CAND2: variants seen among roughly 807,000 people sequenced by gnomAD.
CAND2 encodes the protein cullin associated and neddylation dissociated 2 (putative).
CAND2 carries 62 observed loss-of-function variants against 98.9 expected under a neutral mutation model. The observed-to-expected ratio is 0.63, with a 90% CI of 0.51 to 0.77. The LOEUF (loss-of-function observed/expected upper bound fraction) is 0.77. Ranked by LOEUF, CAND2 falls within the 30% of genes least tolerant of loss-of-function variation. The pLI, the probability that CAND2 is intolerant of heterozygous loss-of-function variation, is 0.00. For missense variants in CAND2, 1,501 were observed against 1,655.2 expected, an observed-to-expected ratio of 0.91 and a Z score of 1.62; for synonymous variants, 770 against 731.9, an observed-to-expected ratio of 1.05 and a Z score of -0.84.
intron 1 of CAND2, among the ~76,000 whole-genome samples, chr3:12,802,390 T>C (rs1015152194): frequency 6.6e-6 from 1 of 152,250 alleles, no homozygotes; most frequent in Admixed American, 6.5e-5. Context: ...GAGATGTGGA[T>C]GATGTCCTGT....
In CAND2 at chr3:12,820,129, C is replaced by G. The variant is rs201679371; in HGVS notation, c.2988C>G (p.Phe996Leu). ...TRSTVITAVK[F>L]LISDQPHPID... ...GCACCGTCATCACAGCGGTCAAGTT[C>G]CTTATCTCGGACCAGCCCCATCCCA... The change falls in exon 11 of 15, where the codon TTC becomes TTG. Residue 996 changes from phenylalanine (F) to leucine (L), a missense_variant. Physicochemically the swap from Phe to Leu is conservative, Grantham distance 22. Coordinates refer to ENST00000456430, the MANE Select transcript of CAND2 (RefSeq NM_001162499.2). The G allele has an allele frequency of 1.1e-5, 18 of 1,614,062 alleles. No homozygotes were observed. Among genetic ancestry groups the G allele is most frequent in the Admixed American group, 1.7e-5 (1 of 60,000 alleles).
intron 7 of CAND2, among the ~76,000 whole-genome samples, chr3:12,814,503 G>C (rs1002890972): frequency 2.6e-5 from 4 of 152,200 alleles, no homozygotes; most frequent in Non-Finnish European, 4.4e-5. Flanking sequence ...CTTTCAGGGA[G>C]ATTGTCAGGT....
intron 10 of CAND2, among the ~76,000 whole-genome samples, chr3:12,819,272 C>T (rs1035972354): frequency 3.9e-5 from 6 of 152,206 alleles, no homozygotes; most frequent in Non-Finnish European, 7.3e-5. Context: ...TCCATTCATT[C>T]ATGCCTTAGC....
At chr3:12,806,770 G>T (rs982504520) in intron 2 of CAND2, among the ~76,000 whole-genome samples, 9 of 152,338 alleles carry the variant, frequency 5.9e-5, no homozygotes, top group African/African-American at 2.2e-4. Context: ...ATCTAGGGTA[G>T]GGTAAGGCCT....
intron 13 of CAND2, among the ~76,000 whole-genome samples, chr3:12,829,457 A>C (rs1443453990): frequency 6.6e-6 from 1 of 152,220 alleles, no homozygotes; most frequent in African/African-American, 2.4e-5. Context: ...CCATATTACA[A>C]CTTTAAAAAA....
chr3:12,834,283 T>G lies in CAND2; in HGVS notation c.*301T>G. 1 of 378,162 alleles carries G rather than the reference T, an allele frequency of 2.6e-6. No homozygotes were observed. Among genetic ancestry groups the G allele is most frequent in the Non-Finnish European group, 4.9e-6 (1 of 203,132 alleles). The allele number at this position is 378,162 out of a possible 1,614,324, so 23.4% of individuals were successfully genotyped here. A position where few individuals can be genotyped will look rare whatever the true frequency, so the allele number is the denominator to read the frequency against. On this transcript the variant is annotated 3_prime_UTR_variant, in exon 15 of 15. Transcript: ENST00000456430. ...CTGTACCCCTCCATAGTCTGTCTGG[T>G]TCCTTCAGAGGGTGTCTCTGCCTCA...
intron 13 of CAND2, 130 bp from the exon 14 acceptor site, chr3:12,831,335 G>C: frequency 2.8e-6 from 2 of 715,252 alleles, no homozygotes; most frequent in Non-Finnish European, 2.5e-6. Flanking sequence ...GAGAGACTCT[G>C]GCAGGACTTC....
At chr3:12,805,759 G>T (rs903899022) in intron 2 of CAND2, among the ~76,000 whole-genome samples, 1 of 152,206 alleles carries the variant, frequency 6.6e-6, no homozygotes, top group African/African-American at 2.4e-5. Context: ...TTTAGACTCA[G>T]ATAATTATAG....
chr3:12,816,405 C>T lies in CAND2; in HGVS notation c.1473C>T (p.Ser491=), dbSNP rs62637643. 3.0e-3 allele frequency: 4,828 copies of T among 1,613,322 alleles called. 122 individuals are homozygous for T. In the African/African-American group the frequency reaches 0.052, roughly 18 times the overall value. The change falls in exon 10 of 15, where the codon AGC becomes AGT. Residue 491 remains serine, a synonymous_variant. Coordinates refer to ENST00000456430, the MANE Select transcript of CAND2 (RefSeq NM_001162499.2). ...TCTTCTCGCTGGCCGACCGCTCCAG[C>T]TCCTCCACCATCCGGATGGATGCCC... The part of the protein sequence containing the change: ...GIIFSLADRS[S]SSTIRMDALA...
intron 5 of CAND2, 85 bp downstream of exon 5, chr3:12,810,409 G>T: frequency 7.7e-7 from 1 of 1,293,626 alleles, no homozygotes; most frequent in Non-Finnish European, 1.0e-6. Context: ...GGCGGAGCTT[G>T]GGCCGCAGTG....
chr3:12,818,002 C>A, intron 10 of CAND2, 126 bp downstream of exon 10: 2 of 838,342 alleles, frequency 2.4e-6, no homozygotes, highest in Non-Finnish European at 3.4e-6. Context: ...GGTATCTATA[C>A]GACAGAGGCA....
chr3:12,813,317 C>T lies in CAND2; in HGVS notation c.935C>T (p.Pro312Leu). Residue 312 changes from proline (P) to leucine (L), a missense_variant, in exon 7 of 15, where the codon CCC (proline) becomes CTC (leucine). Coordinates refer to ENST00000456430, the MANE Select transcript of CAND2 (RefSeq NM_001162499.2). ...TGCCTCCAATACATAAAACACGACCCCAACTACAACTACGACAGTGATGAG... is the reference window on the plus strand; with the variant it reads ...TGCCTCCAATACATAAAACACGACCTCAACTACAACTACGACAGTGATGAG... ...SLCLQYIKHD[P>L]NYNYDSDEDE... 6.2e-7 allele frequency: 1 copy of T among 1,614,150 alleles called. No homozygotes were observed. The highest frequency in any genetic ancestry group is 8.5e-7 in the Non-Finnish European group (1 of 1,180,028).
chr3:12,803,777 C>A (rs758413833), intron 2 of CAND2, 146 bp downstream of exon 2: 2 of 647,408 alleles, frequency 3.1e-6, no homozygotes, highest in East Asian at 3.2e-5. Flanking sequence ...TGAGTTTTCC[C>A]AGAAGATGCT....
chr3:12,815,485 T>TCA lies in CAND2; in HGVS notation c.1299+54_1299+55dup. The stretch of plus-strand genomic sequence containing the variant: ...ACCCCCGATTTGCCTACCCAGCCAC[T>TCA]CACTGTTAGTGTCCCTGGACTTGGA... On this transcript the variant is annotated intron_variant, in intron 8 of 14. Coordinates refer to ENST00000456430, the MANE Select transcript of CAND2 (RefSeq NM_001162499.2). This position sits in a 1 kb window ranked among gnomAD's most constrained non-coding sequence, Gnocchi z 5.7. 1 of 1,517,148 alleles carries TCA rather than the reference T, an allele frequency of 6.6e-7. No individual in the cohort carries two copies. The highest frequency in any genetic ancestry group is 9.0e-7 in the Non-Finnish European group (1 of 1,111,380). 94.0% of individuals were successfully genotyped at this position (1,517,148 alleles called of 1,614,324 possible).
At chr3:12,823,541 A>G (rs966696448) in intron 11 of CAND2, among the ~76,000 whole-genome samples, 5 of 152,100 alleles carry the variant, frequency 3.3e-5, no homozygotes, top group African/African-American at 1.2e-4. Context: ...ATCCTGGCTA[A>G]CACAGTGAAA....
chr3:12,797,666 C>G (rs1458855713), intron 1 of CAND2, among the ~76,000 whole-genome samples: 1 of 152,194 alleles, frequency 6.6e-6, no homozygotes, highest in Non-Finnish European at 1.5e-5. Context: ...TCTGGCCCCT[C>G]CAGCTGAAAG....
chr3:12,810,152 G>A lies in CAND2; in HGVS notation c.585G>A (p.Ala195=). Reference sequence around the variant, plus strand: ...CGCGCCTGGCGGTGCGCAAGCGGGCGGTCGGAGCGCTTGGCCACCTGGCGG... The same window carrying A: ...CGCGCCTGGCGGTGCGCAAGCGGGCAGTCGGAGCGCTTGGCCACCTGGCGG... ...SSPRLAVRKR[A]VGALGHLAAA... The change falls in exon 5 of 15, where the codon GCG becomes GCA. Residue 195 remains alanine (A), a synonymous_variant. Coordinates refer to ENST00000456430, the MANE Select transcript of CAND2 (RefSeq NM_001162499.2). 2 of 1,524,910 alleles carry A rather than the reference G, an allele frequency of 1.3e-6. No homozygotes were observed. The highest frequency in any genetic ancestry group is 1.8e-6 in the Non-Finnish European group (2 of 1,141,600). 94.5% of individuals were successfully genotyped at this position (1,524,910 alleles called of 1,614,324 possible).
Position 12,815,048 on chromosome 3 carries a change from GCC to G in CAND2, c.1007-91_1007-90del. 1 of 1,291,248 alleles carries G rather than the reference GCC, an allele frequency of 7.7e-7. No individual in the cohort carries two copies. The highest frequency in any genetic ancestry group is 1.1e-6 in the Non-Finnish European group (1 of 922,132). The allele number at this position is 1,291,248 out of a possible 1,614,324, so 80.0% of individuals were successfully genotyped here. On this transcript the variant is annotated intron_variant, in intron 7 of 14. Coordinates refer to ENST00000456430, the MANE Select transcript of CAND2 (RefSeq NM_001162499.2). The surrounding 1 kb of genome is among the most constrained non-coding windows in gnomAD (Gnocchi z 5.7). ...TGATCATCAAAAAGTGAAGCACAGT[GCC>G]CAGCTCTCTCTCCTCCCTGTCCCTT...
Position 12,825,475 on chromosome 3 carries a change from T to C in CAND2, c.3046T>C (p.Phe1016Leu). 6.4e-7 allele frequency: 1 copy of C among 1,553,592 alleles called. No individual in the cohort carries two copies. The highest frequency in any genetic ancestry group is 8.7e-7 in the Non-Finnish European group (1 of 1,147,856). The change falls in exon 12 of 15, where the codon TTC becomes CTC. Residue 1016 changes from phenylalanine (F) to leucine (L), a missense_variant. Coordinates refer to ENST00000456430, the MANE Select transcript of CAND2 (RefSeq NM_001162499.2). ...DPLLKSFIGE[F>L]MESLQDPDLN... The stretch of plus-strand genomic sequence containing the variant: ...CCCTCATGTTCTTCTGCCAGGAGAG[T>C]TCATGGAGAGCCTGCAGGACCCAGA...
Sources: gnomAD v4.1 joint callset for allele counts (sites outside exome capture counted in the v4.1 genomes callset) on GRCh38, gnomAD v4.1.1 for gene constraint, Gnocchi (gnomAD v3.1) non-coding constraint, MANE v1.5 for transcripts, NCBI Gene and HGNC (gene_info 2026-07-23, HGNC 2026-07-21) for gene names.